Variants in ADAMTS19 observed in about 807,000 individuals in gnomAD.
The protein encoded by ADAMTS19 is A disintegrin and metalloproteinase with thrombospondin motifs 19.
ADAMTS19 carries 93 observed loss-of-function variants against 153.3 expected under a neutral mutation model. The observed-to-expected ratio is 0.61, with a 90% CI of 0.51 to 0.72. The LOEUF is 0.72. Ranked by LOEUF, ADAMTS19 falls within the 30% of genes least tolerant of loss-of-function variation. ADAMTS19 has a pLI of 0.00. For synonymous variants in ADAMTS19, 600 were observed against 556.6 expected (o/e 1.08, Z -1.10); for missense variants, 1,482 against 1,552.1 (o/e 0.95, Z 0.76).
In ADAMTS19 at chr5:129,526,351, ACCT is replaced by A; in HGVS notation, c.983_985del (p.Pro328del). ...GAGGGAAACGATATTCATACAAATT[ACCT>A]CAAGAATACAACATAGAGACTGTAG... On this transcript the variant is annotated inframe_deletion, in exon 4 of 23. Coordinates refer to ENST00000274487, the MANE Select transcript of ADAMTS19 (RefSeq NM_133638.6). 1 of 1,602,256 alleles carries A rather than the reference ACCT, an allele frequency of 6.2e-7. No homozygotes were observed. Among genetic ancestry groups the A allele is most frequent in the South Asian group, 1.1e-5 (1 of 89,126 alleles).
intron 8 of ADAMTS19, among the ~76,000 whole-genome samples, chr5:129,606,764 A>AT (rs1484331751): frequency 6.6e-6 from 1 of 152,128 alleles, no homozygotes; most frequent in Non-Finnish European, 1.5e-5. Flanking sequence ...TCATGCCTTT[A>AT]TTCATTTTTT....
chr5:129,720,623 A>G (rs1461671380), intron 21 of ADAMTS19, among the ~76,000 whole-genome samples: 1 of 152,188 alleles, frequency 6.6e-6, no homozygotes, highest in African/African-American at 2.4e-5. Context: ...TGCTTGCTGG[A>G]TAGCAACAGT....
At chr5:129,729,351 TG>T (rs1307926385) in intron 21 of ADAMTS19, among the ~76,000 whole-genome samples, 1 of 151,852 alleles carries the variant, frequency 6.6e-6, no homozygotes, top group Admixed American at 6.6e-5. Context: ...GAAGATAACT[TG>T]GGATTTCAAT....
At chr5:129,612,122 C>T (rs1034038350) in intron 8 of ADAMTS19, among the ~76,000 whole-genome samples, 1 of 112,706 alleles carries the variant, frequency 8.9e-6, no homozygotes, top group South Asian at 3.7e-4. Flanking sequence ...ATCCCTCCCC[C>T]CTACCCCCAC....
At chr5:129,609,478 C>G (rs544963918) in intron 8 of ADAMTS19, among the ~76,000 whole-genome samples, 3 of 151,990 alleles carry the variant, frequency 2.0e-5, no homozygotes, top group African/African-American at 7.2e-5. Flanking sequence ...CCTTCACTGG[C>G]CTTTCATTTT....
chr5:129,567,216 C>A (rs994805448), intron 7 of ADAMTS19, among the ~76,000 whole-genome samples: 2 of 152,054 alleles, frequency 1.3e-5, no homozygotes, highest in Non-Finnish European at 2.9e-5. Context: ...TAGCATGAAC[C>A]AAACTAGGTT....
chr5:129,502,497 T>C (rs1179357579), intron 2 of ADAMTS19, among the ~76,000 whole-genome samples: 1 of 152,220 alleles, frequency 6.6e-6, no homozygotes, highest in African/African-American at 2.4e-5. Context: ...AAAACTCCTG[T>C]AATGCTCAGA....
In ADAMTS19 at chr5:129,719,017, G is replaced by A. The variant is rs140314775; in HGVS notation, c.3312+14626G>A. ...CATAGTCTAGAAGTAAGGAATCTTG[G>A]GTAATCTCTGTGCTGGCCAAGTGTG... On this transcript the variant is annotated intron_variant, in intron 21 of 22. Coordinates refer to ENST00000274487, the MANE Select transcript of ADAMTS19 (RefSeq NM_133638.6). Among the ~76,000 whole-genome samples, 208 of 152,136 alleles carry A rather than the reference G, an allele frequency of 1.4e-3. 1 individual carries two copies. Among genetic ancestry groups the A allele is most frequent in the African/African-American group, 4.8e-3 (200 of 41,532 alleles).
intron 7 of ADAMTS19, among the ~76,000 whole-genome samples, chr5:129,578,405 T>G (rs1287661686): frequency 6.8e-6 from 1 of 146,456 alleles, no homozygotes; most frequent in African/African-American, 2.5e-5. Flanking sequence ...TGCATGTATA[T>G]GTACGTATAC....
intron 3 of ADAMTS19, among the ~76,000 whole-genome samples, chr5:129,519,290 G>A (rs1751711375): frequency 6.6e-6 from 1 of 152,070 alleles, no homozygotes; most frequent in Non-Finnish European, 1.5e-5. Flanking sequence ...GACCTGGAAT[G>A]GAGGCCTCAC....
chr5:129,567,089 G>A (rs879281189), intron 7 of ADAMTS19, among the ~76,000 whole-genome samples: 1 of 152,094 alleles, frequency 6.6e-6, no homozygotes, highest in Non-Finnish European at 1.5e-5. Flanking sequence ...AGCTTTGTAT[G>A]TGTGGATATG....
intron 3 of ADAMTS19, among the ~76,000 whole-genome samples, chr5:129,512,227 C>A (rs1233989563): frequency 6.6e-6 from 1 of 152,036 alleles, no homozygotes; most frequent in Non-Finnish European, 1.5e-5. Flanking sequence ...ATGTAGAGAT[C>A]ATCTATCTCC....
intron 21 of ADAMTS19, among the ~76,000 whole-genome samples, chr5:129,706,555 G>A (rs1480601773): frequency 2.1e-5 from 3 of 146,260 alleles, no homozygotes; most frequent in Non-Finnish European, 4.5e-5. Context: ...GGTAACAAGA[G>A]TGAAACTCAA....
intron 8 of ADAMTS19, among the ~76,000 whole-genome samples, chr5:129,617,354 G>T (rs2126969580): frequency 6.6e-6 from 1 of 152,124 alleles, no homozygotes; most frequent in African/African-American, 2.4e-5. Context: ...AAAGGAAAAT[G>T]ATTATCTGGA....
intron 18 of ADAMTS19, among the ~76,000 whole-genome samples, chr5:129,692,930 G>T (rs996428080): frequency 6.6e-6 from 1 of 152,080 alleles, no homozygotes; most frequent in Middle Eastern, 3.2e-3. Flanking sequence ...CCTATATGGA[G>T]CTCCCATAGA....
At chr5:129,671,938 GA>G (rs575458423) in intron 16 of ADAMTS19, among the ~76,000 whole-genome samples, 1 of 151,992 alleles carries the variant, frequency 6.6e-6, no homozygotes, top group African/African-American at 2.4e-5. Flanking sequence ...AAATTCAAAA[GA>G]AAAAACACTT....
At chr5:129,496,761 G>A (rs1295822724) in intron 2 of ADAMTS19, among the ~76,000 whole-genome samples, 3 of 152,012 alleles carry the variant, frequency 2.0e-5, no homozygotes, top group South Asian at 4.1e-4. Context: ...AAAAATCACT[G>A]AGTGACTAAC....
intron 2 of ADAMTS19, among the ~76,000 whole-genome samples, chr5:129,478,358 T>C (rs1277760374): frequency 6.6e-6 from 1 of 152,218 alleles, no homozygotes; most frequent in East Asian, 1.9e-4. Context: ...TAATGTGGGA[T>C]ACTCTTAGAC....
At chr5:129,672,345 C>A (rs761295036) in intron 16 of ADAMTS19, among the ~76,000 whole-genome samples, 2 of 152,058 alleles carry the variant, frequency 1.3e-5, no homozygotes, top group Non-Finnish European at 2.9e-5. Flanking sequence ...TCCTTAACAC[C>A]TCTGAACTGG....
Sources: allele counts gnomAD v4.1 joint callset (sites outside exome capture counted in the v4.1 genomes callset), GRCh38; gene constraint gnomAD v4.1.1; transcripts MANE v1.5; gene names NCBI Gene and HGNC (gene_info 2026-07-23, HGNC 2026-07-21).